Variants in IGFL2 observed in about 807,000 individuals in gnomAD.
IGFL2 encodes IGF like family member 2, also known as insulin growth factor-like family member 2.
In IGFL2, 7 loss-of-function variants were observed where a neutral mutation model predicts 13.9. The observed-to-expected ratio is 0.51, with a 90% confidence interval of 0.29 to 0.95. The LOEUF is 0.95. Among genes scored for constraint, IGFL2 ranks in the 40% least tolerant of loss-of-function variants. The pLI is 0.08. For missense variants in IGFL2, 138 were observed against 147.8 expected, an observed-to-expected ratio of 0.93 and a Z score of 0.34; for synonymous variants, 55 against 55.8, an observed-to-expected ratio of 0.99 and a Z score of 0.07.
the IGFL2 span, chr19:46,124,176 G>A: frequency 6.2e-7 from 1 of 1,610,284 alleles, no homozygotes; most frequent in African/African-American, 1.4e-5. Flanking sequence ...GACATTGATG[G>A]TGTACATCCA....
the IGFL2 span, among the ~76,000 whole-genome samples, chr19:46,183,774 G>T: frequency 2.4e-4 from 36 of 152,218 alleles, no homozygotes; most frequent in African/African-American, 8.7e-4. Flanking sequence ...GACCTCAGAT[G>T]ATCTGCCTGC....
At chr19:46,186,183 C>T in the IGFL2 span, among the ~76,000 whole-genome samples, 35 of 152,282 alleles carry the variant, frequency 2.3e-4, no homozygotes, top group Non-Finnish European at 2.6e-4. Context: ...GATTGCGTGC[C>T]GGCAGCCCTG....
the IGFL2 span, among the ~76,000 whole-genome samples, chr19:46,192,890 T>C: frequency 1.3e-5 from 2 of 152,074 alleles, no homozygotes; most frequent in African/African-American, 4.8e-5. Flanking sequence ...TCTGAAAATA[T>C]TAAATGAAAA....
In IGFL2 at chr19:46,149,652, CT is replaced by C. The variant is rs933204164; in HGVS notation, c.19+1364del. Among the ~76,000 whole-genome samples the C allele has an allele frequency of 6.6e-5, 10 of 151,000 alleles. No individual in the cohort carries two copies. The East Asian group carries it at 1.6e-3, about 24-fold the overall frequency. ...CATTTATAAGTGACCTTTCGTGTAACTTTTTTTTTAACTTAATGTTTTCAAG... is the reference window on the plus strand; with the variant it reads ...CATTTATAAGTGACCTTTCGTGTAACTTTTTTTTAACTTAATGTTTTCAAG... On this transcript the variant is annotated intron_variant, in intron 1 of 3. Transcript: ENST00000377693.
the IGFL2 span, among the ~76,000 whole-genome samples, chr19:46,107,509 G>A: frequency 6.6e-6 from 1 of 152,216 alleles, no homozygotes; most frequent in East Asian, 1.9e-4. Flanking sequence ...AGCACTTGAA[G>A]CAAGATCCTG....
the IGFL2 span, among the ~76,000 whole-genome samples, chr19:46,167,344 C>G: frequency 6.6e-6 from 1 of 152,124 alleles, no homozygotes; most frequent in African/African-American, 2.4e-5. Flanking sequence ...AGCCGCAGCC[C>G]CTTGCTGCAT....
chr19:46,105,523 G>A, the IGFL2 span, among the ~76,000 whole-genome samples: 1 of 152,182 alleles, frequency 6.6e-6, no homozygotes, highest in Non-Finnish European at 1.5e-5. Context: ...GAGAGATACA[G>A]TTATGGGGGT....
chr19:46,124,506 C>T, the IGFL2 span: 2 of 1,188,760 alleles, frequency 1.7e-6, no homozygotes, highest in Non-Finnish European at 2.5e-6. Flanking sequence ...TTTGAGGTGA[C>T]TAGTAGGGCA....
chr19:46,084,129 G>A, the IGFL2 span, among the ~76,000 whole-genome samples: 2 of 152,228 alleles, frequency 1.3e-5, no homozygotes, highest in Admixed American at 6.5e-5. Context: ...CGGATTTCTA[G>A]TATTATACCA....
At chr19:46,213,338 C>T in the IGFL2 span, 1 of 152,550 alleles carries the variant, frequency 6.6e-6, no homozygotes, top group Admixed American at 6.5e-5. Context: ...GCGACCCAGC[C>T]TGTCTCTGCA....
chr19:46,095,620 T>C, the IGFL2 span, among the ~76,000 whole-genome samples: 1 of 152,194 alleles, frequency 6.6e-6, no homozygotes, highest in East Asian at 1.9e-4. Context: ...TCCTGAATGG[T>C]GTTGCCTAGA....
chr19:46,209,081 G>T, the IGFL2 span: 1 of 148,096 alleles, frequency 6.8e-6, no homozygotes, highest in Non-Finnish European at 1.5e-5. Context: ...GTTTTTGGAG[G>T]GGTCTGTGTC....
the IGFL2 span, chr19:46,113,802 C>T: frequency 6.3e-6 from 1 of 157,670 alleles, no homozygotes; most frequent in Non-Finnish European, 1.4e-5. Context: ...TTGAGATCAT[C>T]ACTGTCAAAA....
At chr19:46,142,783 C>A (rs1023011752), upstream of IGFL2, among the ~76,000 whole-genome samples, 2 of 152,204 alleles carry the variant, frequency 1.3e-5, no homozygotes, top group African/African-American at 4.8e-5. Flanking sequence ...CACTCTGCAT[C>A]CTTTTGCGTG....
the IGFL2 span, among the ~76,000 whole-genome samples, chr19:46,215,029 A>C: frequency 1.3e-5 from 2 of 152,096 alleles, no homozygotes; most frequent in African/African-American, 4.8e-5. Flanking sequence ...GTGTGGCAAC[A>C]GGTGTGGCCA....
chr19:46,147,735 C>T (rs1401704997), upstream of IGFL2: 1 of 152,408 alleles, frequency 6.6e-6, no homozygotes, highest in African/African-American at 2.4e-5. Flanking sequence ...GCAAGACCAT[C>T]ATTAAAAGTC....
chr19:46,196,802 T>G, the IGFL2 span: 64 of 152,498 alleles, frequency 4.2e-4, no homozygotes, highest in African/African-American at 1.4e-3. Context: ...CAGGCTGGGG[T>G]CCCAAAGATG....
upstream of IGFL2, among the ~76,000 whole-genome samples, chr19:46,143,711 C>A (rs997339787): frequency 2.6e-5 from 4 of 152,178 alleles, no homozygotes; most frequent in African/African-American, 9.7e-5. Flanking sequence ...CATTTATAAA[C>A]CCCTTCCCAT....
intron 1 of IGFL2, chr19:46,160,178 G>A (rs1974071742): frequency 7.4e-6 from 4 of 538,074 alleles, no homozygotes; most frequent in African/African-American, 1.9e-5. Context: ...AATCATAAAC[G>A]AAGATATTCC....
Sources: gnomAD v4.1 joint callset for allele counts (sites outside exome capture counted in the v4.1 genomes callset) on GRCh38, gnomAD v4.1.1 for gene constraint, MANE v1.5 for transcripts, NCBI Gene and HGNC (gene_info 2026-07-23, HGNC 2026-07-21) for gene names.